Variants in ARID2 observed in about 807,000 individuals in gnomAD.
ARID2 encodes the protein AT-rich interaction domain 2.
ARID2 carries 32 observed loss-of-function variants against 184.6 expected under a neutral mutation model. The ratio of observed to expected loss-of-function variants is 0.17; its 90% CI spans 0.13 to 0.23. ARID2 has a LOEUF of 0.23. ARID2 is among the 10% of genes least tolerant of loss of function. The pLI is 1.00. For missense variants in ARID2, 1,696 were observed against 2,197.6 expected, an observed-to-expected ratio of 0.77 and a Z score of 4.56; for synonymous variants, 836 against 772.6, an observed-to-expected ratio of 1.08 and a Z score of -1.36.
Position 45,811,500 on chromosome 12 carries a change from C to G in ARID2, c.367C>G (p.Pro123Ala), listed in dbSNP as rs1468635333. 1 of 1,613,776 alleles carries G rather than the reference C, an allele frequency of 6.2e-7. No individual in the cohort carries two copies. The highest frequency in any genetic ancestry group is 1.3e-5 in the African/African-American group (1 of 74,912). ...VPPGNPKPQL[P>A]IGAIPSSYNY... Reference sequence around the variant, plus strand: ...ACCAGGCAATCCAAAGCCACAGCTTCCTATTGGTGCAATTCCATCTTCCTA... The same window carrying G: ...ACCAGGCAATCCAAAGCCACAGCTTGCTATTGGTGCAATTCCATCTTCCTA... Residue 123 changes from proline to alanine, a missense_variant, in exon 4 of 21, where the codon CCT becomes GCT. Physicochemically the swap from Pro to Ala is conservative, Grantham distance 27 (BLOSUM62 -1). Coordinates refer to ENST00000334344, the MANE Select transcript of ARID2 (RefSeq NM_152641.4).
intron 3 of ARID2, among the ~76,000 whole-genome samples, chr12:45,805,456 T>G (rs940226511): frequency 2.6e-5 from 4 of 152,078 alleles, no homozygotes; most frequent in Non-Finnish European, 5.9e-5. Flanking sequence ...TCAAATTATT[T>G]TAATAGTTTT....
intron 6 of ARID2, among the ~76,000 whole-genome samples, chr12:45,826,528 C>T (rs1021627989): frequency 2.0e-5 from 3 of 152,080 alleles, no homozygotes; most frequent in Admixed American, 6.6e-5. Context: ...GATCCTCCTG[C>T]CTCAGGCTCC....
intron 16 of ARID2, among the ~76,000 whole-genome samples, chr12:45,886,274 G>T (rs2138224071): frequency 6.6e-6 from 1 of 152,260 alleles, no homozygotes; most frequent in Non-Finnish European, 1.5e-5. Context: ...GTTCCAAAAT[G>T]ATCTCCTTTG....
At chr12:45,872,687 G>T (rs559318693) in intron 16 of ARID2, among the ~76,000 whole-genome samples, 1 of 152,310 alleles carries the variant, frequency 6.6e-6, no homozygotes, top group African/African-American at 2.4e-5. Context: ...AACCGCATGG[G>T]TGGGGACACA....
At chr12:45,828,064 A>C (rs1318782039) in intron 6 of ARID2, among the ~76,000 whole-genome samples, 2 of 152,104 alleles carry the variant, frequency 1.3e-5, no homozygotes, top group East Asian at 1.9e-4. Flanking sequence ...ACACATACAT[A>C]AGTATACACC....
At chr12:45,839,843 A>C in intron 11 of ARID2, 1 of 192,826 alleles carries the variant, frequency 5.2e-6, no homozygotes, top group Non-Finnish European at 1.1e-5. Context: ...TAGATTATTC[A>C]TATATTACCT....
intron 3 of ARID2, among the ~76,000 whole-genome samples, chr12:45,741,230 T>C (rs1179726313): frequency 1.3e-5 from 2 of 152,178 alleles, no homozygotes; most frequent in Non-Finnish European, 2.9e-5. Flanking sequence ...TCACTCTGTC[T>C]CAAAACACCC....
At chr12:45,857,520 A>G (rs896582424) in intron 15 of ARID2, among the ~76,000 whole-genome samples, 3 of 152,200 alleles carry the variant, frequency 2.0e-5, no homozygotes, top group African/African-American at 7.2e-5. Flanking sequence ...GTTGGCATGT[A>G]TTGATGATCT....
chr12:45,850,939 A>T lies in ARID2; in HGVS notation c.2816A>T (p.Tyr939Phe), dbSNP rs781056017. ...VSQPAQQGQT[Y>F]APAIHQIVLA... ...CAGCCAGCTCAACAAGGTCAAACTT[A>T]TGCACCAGCCATTCACCAAATTGTT... The change falls in exon 15 of 21, where the codon TAT (tyrosine) becomes TTT (phenylalanine). Residue 939 changes from tyrosine to phenylalanine, a missense_variant. Tyr to Phe is a conservative substitution (Grantham distance 22). Around this residue, in one of 11 missense-constraint regions of ARID2, gnomAD observed 713 missense variants for 824.4 expected, o/e 0.86. Transcript: ENST00000334344. 1.7e-5 allele frequency: 28 copies of T among 1,614,090 alleles called. No homozygotes were observed. In the Admixed American group the frequency reaches 4.5e-4, roughly 26 times the overall value.
In ARID2 at chr12:45,743,538, T is replaced by C. The variant is rs7978688; in HGVS notation, c.284+12224T>C. Among the ~76,000 whole-genome samples the C allele has an allele frequency of 5.5e-3, 832 of 152,328 alleles. 7 individuals are homozygous for C. Among genetic ancestry groups the C allele is most frequent in the African/African-American group, 0.019 (794 of 41,590 alleles). On this transcript the variant is annotated intron_variant, in intron 3 of 20. Transcript: ENST00000334344. Reference sequence around the variant, plus strand: ...GACATGCACCACTGTGCCTAGACTTTTTAACATGTTTTCATCTTTGATAGT... The same window carrying C: ...GACATGCACCACTGTGCCTAGACTTCTTAACATGTTTTCATCTTTGATAGT...
intron 16 of ARID2, among the ~76,000 whole-genome samples, chr12:45,870,477 A>G (rs891500682): frequency 6.6e-6 from 1 of 152,194 alleles, no homozygotes; most frequent in African/African-American, 2.4e-5. Flanking sequence ...CATAGTTTAC[A>G]TTCAGATTCA....
At chr12:45,752,684 C>T (rs1429596876) in intron 3 of ARID2, among the ~76,000 whole-genome samples, 1 of 152,150 alleles carries the variant, frequency 6.6e-6, no homozygotes, top group Non-Finnish European at 1.5e-5. Flanking sequence ...CCACACCCAG[C>T]TGATTTTTTG....
At chr12:45,751,778 GGTAA>G (rs1164730887) in intron 3 of ARID2, among the ~76,000 whole-genome samples, 1 of 152,102 alleles carries the variant, frequency 6.6e-6, no homozygotes, top group South Asian at 2.1e-4. Flanking sequence ...GTAACCCCAT[GGTAA>G]GTATTTGTGT....
intron 15 of ARID2, among the ~76,000 whole-genome samples, chr12:45,858,145 C>T (rs555522554): frequency 6.6e-6 from 1 of 152,238 alleles, no homozygotes; most frequent in South Asian, 2.1e-4. Flanking sequence ...TCCTTCTCAC[C>T]TCTTCTTTAG....
intron 3 of ARID2, among the ~76,000 whole-genome samples, chr12:45,759,735 A>G (rs1941638527): frequency 6.6e-6 from 1 of 152,038 alleles, no homozygotes. Context: ...GCACCAATTG[A>G]TTGATTGATT....
chr12:45,850,194 C>T lies in ARID2; in HGVS notation c.2071C>T (p.His691Tyr), dbSNP rs2138159770. The T allele has an allele frequency of 1.9e-6, 3 of 1,614,144 alleles. No individual in the cohort carries two copies. The highest frequency in any genetic ancestry group is 2.5e-6 in the Non-Finnish European group (3 of 1,179,994). ...VSRIPQNPSP[H>Y]THQQQNAPVT... ...AAGAATTCCACAAAATCCTTCACCT[C>T]ATACCCACCAGCAACAAAATGCTCC... The change falls in exon 15 of 21, where the codon CAT (histidine) becomes TAT (tyrosine). Residue 691 changes from histidine to tyrosine, a missense_variant. Around this residue, in one of 11 missense-constraint regions of ARID2, gnomAD observed 713 missense variants for 824.4 expected, o/e 0.86. Transcript: ENST00000334344.
At chr12:45,806,476 G>T (rs888221633) in intron 3 of ARID2, among the ~76,000 whole-genome samples, 2 of 151,780 alleles carry the variant, frequency 1.3e-5, no homozygotes, top group African/African-American at 2.4e-5. Flanking sequence ...TAGGACTACT[G>T]GTTTTAAAAT....
intron 6 of ARID2, among the ~76,000 whole-genome samples, chr12:45,834,846 C>A (rs781470675): frequency 6.6e-6 from 1 of 152,090 alleles, no homozygotes; most frequent in Non-Finnish European, 1.5e-5. Context: ...GTTTCCACAG[C>A]TTTTTTCTTT....
chr12:45,730,873 CTTTT>C (rs564524227), intron 2 of ARID2, among the ~76,000 whole-genome samples: 4 of 96,692 alleles, frequency 4.1e-5, no homozygotes, highest in Admixed American at 1.1e-4. Context: ...TCCTTTTGAA[CTTTT>C]TTTTTTTTTT....
Sources: gnomAD v4.1 joint callset for allele counts (sites outside exome capture counted in the v4.1 genomes callset) on GRCh38, gnomAD v4.1.1 for gene constraint, gnomAD v4.1.1 regional missense constraint, MANE v1.5 for transcripts, NCBI Gene and HGNC (gene_info 2026-07-23, HGNC 2026-07-21) for gene names.